ZNF827: variants seen among roughly 807,000 people sequenced by gnomAD.
ZNF827 encodes zinc finger protein 827.
A neutral mutation model predicts 102.4 loss-of-function variants in ZNF827; 13 were observed. That is an observed-to-expected ratio of 0.13 (90% CI 0.08 to 0.20). The LOEUF (loss-of-function observed/expected upper bound fraction) is 0.20, where lower values mean the gene tolerates loss of function less well. Ranked by LOEUF, ZNF827 falls within the 10% of genes least tolerant of loss-of-function variation. ZNF827 has a pLI of 1.00. For missense variants in ZNF827, 1,103 were observed against 1,344.4 expected, an observed-to-expected ratio of 0.82 and a Z score of 2.81; for synonymous variants, 523 against 536.2, an observed-to-expected ratio of 0.98 and a Z score of 0.34.
At chr4:145,863,445 C>T (rs1452679201) in intron 5 of ZNF827, among the ~76,000 whole-genome samples, 1 of 151,432 alleles carries the variant, frequency 6.6e-6, no homozygotes, top group African/African-American at 2.5e-5. Flanking sequence ...AAAACTTGCA[C>T]ATGAATGTTC....
At chr4:145,909,508 T>C (rs1403899917) in intron 1 of ZNF827, among the ~76,000 whole-genome samples, 1 of 152,140 alleles carries the variant, frequency 6.6e-6, no homozygotes, top group African/African-American at 2.4e-5. Flanking sequence ...CTCAATGACT[T>C]CCCACTAGAG....
rs1754381434 is a variant in ZNF827, at chr4:145,938,258, T to C, written c.43+107A>G. On this transcript the variant is annotated intron_variant, in intron 1 of 14. Transcript: ENST00000508784. ...GCTGTGTCTTTGTCAGTTTCACCTC[T>C]GTAACCCTAAACTAATGCAGAAAAC... The C allele has an allele frequency of 2.2e-6, 3 of 1,389,686 alleles. No individual in the cohort carries two copies. The African/African-American group carries it at 4.3e-5, about 20-fold the overall frequency. The allele number at this position is 1,389,686 out of a possible 1,614,324, so 86.1% of individuals were successfully genotyped here.
chr4:145,798,819 G>A (rs1415195513), intron 8 of ZNF827, among the ~76,000 whole-genome samples: 1 of 152,226 alleles, frequency 6.6e-6, no homozygotes, highest in Non-Finnish European at 1.5e-5. Context: ...AAAGGTAAGA[G>A]AGCTACTGCC....
At chr4:145,852,743 C>A (rs1410140365) in intron 5 of ZNF827, among the ~76,000 whole-genome samples, 1 of 152,104 alleles carries the variant, frequency 6.6e-6, no homozygotes, top group Non-Finnish European at 1.5e-5. Flanking sequence ...GTAGCATTAT[C>A]CTCTAACTTT....
intron 3 of ZNF827, among the ~76,000 whole-genome samples, chr4:145,888,227 T>C (rs1276726654): frequency 6.6e-6 from 1 of 152,174 alleles, no homozygotes; most frequent in Non-Finnish European, 1.5e-5. Context: ...GGACTATATA[T>C]CACATTTGGC....
intron 8 of ZNF827, among the ~76,000 whole-genome samples, chr4:145,784,579 T>G (rs929157705): frequency 6.6e-6 from 1 of 152,228 alleles, no homozygotes; most frequent in Non-Finnish European, 1.5e-5. Context: ...AGAAAAACCT[T>G]AAAACTTCTT....
intron 7 of ZNF827, among the ~76,000 whole-genome samples, chr4:145,829,811 C>T (rs963579744): frequency 6.6e-6 from 1 of 152,148 alleles, no homozygotes; most frequent in African/African-American, 2.4e-5. Context: ...AGTTGTTAAG[C>T]CACTGCAATA....
intron 1 of ZNF827, among the ~76,000 whole-genome samples, chr4:145,923,203 T>C (rs899631249): frequency 6.6e-6 from 1 of 152,180 alleles, no homozygotes; most frequent in Non-Finnish European, 1.5e-5. Context: ...GCTATCTCTT[T>C]TTGAGTCTTG....
At chr4:145,919,683 A>T (rs930956949) in intron 1 of ZNF827, among the ~76,000 whole-genome samples, 19 of 152,348 alleles carry the variant, frequency 1.2e-4, no homozygotes, top group South Asian at 6.2e-4. Context: ...TCATCCATAA[A>T]GTAGGGTATT....
chr4:145,870,567 A>G, intron 4 of ZNF827, 89 bp from the exon 5 acceptor site: 1 of 1,172,232 alleles, frequency 8.5e-7, no homozygotes, highest in Non-Finnish European at 1.2e-6. Flanking sequence ...TGGAATGCAC[A>G]ATCACACTGT....
intron 11 of ZNF827, among the ~76,000 whole-genome samples, chr4:145,769,909 C>T (rs1735982256): frequency 6.6e-6 from 1 of 152,208 alleles, no homozygotes; most frequent in African/African-American, 2.4e-5. Flanking sequence ...CTTGCTTCCT[C>T]AATACAGACA....
intron 1 of ZNF827, chr4:145,906,944 CTA>C (rs1323936478): frequency 1.7e-5 from 7 of 415,210 alleles, no homozygotes; most frequent in African/African-American, 1.5e-4. Context: ...GAAGATGCTG[CTA>C]CTGAAATTGA....
At chr4:145,771,824 G>T (rs920999359) in intron 11 of ZNF827, among the ~76,000 whole-genome samples, 1 of 152,198 alleles carries the variant, frequency 6.6e-6, no homozygotes, top group Non-Finnish European at 1.5e-5. Context: ...ACAAGATAGC[G>T]TGGCAGATTT....
In ZNF827 at chr4:145,764,883, C is replaced by T. The variant is rs1210413439; in HGVS notation, c.3230+105G>A. ...ACTAACTCCTCTCATACCAAGCTCC[C>T]CTTCTCCATGACTCCCAAAACCTTC... On this transcript the variant is annotated intron_variant, in intron 13 of 14. Coordinates refer to ENST00000508784, the MANE Select transcript of ZNF827 (RefSeq NM_001306215.2). 10 of 1,526,614 alleles carry T rather than the reference C, an allele frequency of 6.6e-6. No homozygotes were observed. The East Asian group carries it at 9.0e-5, about 14-fold the overall frequency. The allele number at this position is 1,526,614 out of a possible 1,614,324, so 94.6% of individuals were successfully genotyped here.
intron 5 of ZNF827, among the ~76,000 whole-genome samples, chr4:145,854,022 A>G (rs1217332461): frequency 2.0e-5 from 3 of 152,108 alleles, no homozygotes; most frequent in South Asian, 2.1e-4. Context: ...GATGAAATTT[A>G]TACAGGAACT....
chr4:145,829,993 T>C (rs1480628716), intron 7 of ZNF827, among the ~76,000 whole-genome samples: 1 of 152,176 alleles, frequency 6.6e-6, no homozygotes, highest in African/African-American at 2.4e-5. Flanking sequence ...GTTGAGAAAA[T>C]AGTTTTCCAT....
chr4:145,901,421 G>C (rs1227333880), intron 2 of ZNF827, among the ~76,000 whole-genome samples: 3 of 152,208 alleles, frequency 2.0e-5, no homozygotes, highest in South Asian at 2.1e-4. Flanking sequence ...TGAATGCTAA[G>C]GTCCTATATG....
intron 5 of ZNF827, among the ~76,000 whole-genome samples, chr4:145,866,573 A>T (rs1456748126): frequency 6.6e-6 from 1 of 152,236 alleles, no homozygotes; most frequent in East Asian, 1.9e-4. Context: ...ACTTGTTTAA[A>T]ATTAAGGTCT....
chr4:145,835,260 G>A (rs1434480779), intron 7 of ZNF827: 4 of 152,158 alleles, frequency 2.6e-5, no homozygotes, highest in Admixed American at 6.5e-5. Flanking sequence ...AGACCATCAC[G>A]GATGCTGAGC....
Sources: gnomAD v4.1 joint callset for allele counts (sites outside exome capture counted in the v4.1 genomes callset) on GRCh38, gnomAD v4.1.1 for gene constraint, MANE v1.5 for transcripts, NCBI Gene and HGNC (gene_info 2026-07-23, HGNC 2026-07-21) for gene names.